Variants in EPG5 observed in about 807,000 individuals in gnomAD.
EPG5 encodes ectopic P granules protein 5 homolog.
EPG5 carries 159 observed loss-of-function variants against 302.7 expected under a neutral mutation model. That is an observed-to-expected ratio of 0.53 (90% confidence interval 0.46 to 0.60). The LOEUF (loss-of-function observed/expected upper bound fraction) is 0.60. Ranked by LOEUF, EPG5 falls within the 20% of genes least tolerant of loss-of-function variation. The pLI is 0.00. For missense variants in EPG5, 2,896 were observed against 3,092.4 expected, an observed-to-expected ratio of 0.94 and a Z score of 1.51; for synonymous variants, 1,158 against 1,136.8, an observed-to-expected ratio of 1.02 and a Z score of -0.37.
chr18:45,921,544 T>A (rs779439959), intron 16 of EPG5, among the ~76,000 whole-genome samples: 3 of 152,204 alleles, frequency 2.0e-5, no homozygotes, highest in Admixed American at 2.0e-4. Flanking sequence ...ACTTCTCTCA[T>A]AGAAGTTATA....
chr18:45,965,577 G>A (rs1005077515), intron 1 of EPG5, among the ~76,000 whole-genome samples: 3 of 152,106 alleles, frequency 2.0e-5, no homozygotes, highest in Non-Finnish European at 2.9e-5. Context: ...TGAGAAAATC[G>A]GATTACAGTA....
chr18:45,883,627 T>TTG (rs1462492165), intron 30 of EPG5, among the ~76,000 whole-genome samples: 1 of 137,250 alleles, frequency 7.3e-6, no homozygotes, highest in African/African-American at 2.9e-5. Context: ...TTTTTTTTTT[T>TTG]TTTTTTTTTT....
In EPG5 at chr18:45,915,582, A is replaced by T. The variant is rs539209051; in HGVS notation, c.3622T>A (p.Ser1208Thr). 1.2e-6 allele frequency: 2 copies of T among 1,614,212 alleles called. 1 individual carries two copies. Among genetic ancestry groups the T allele is most frequent in the African/African-American group, 2.7e-5 (2 of 75,050 alleles). The change falls in exon 20 of 44, where the codon TCT becomes ACT. Residue 1208 changes from serine to threonine, a missense_variant. By Grantham distance (58) the Ser-to-Thr change is moderately conservative (BLOSUM62 1). This residue lies in a region of EPG5 where 1,390 missense variants were observed against 1,430.0 expected (regional missense o/e 0.97). Coordinates refer to ENST00000282041, the MANE Select transcript of EPG5 (RefSeq NM_020964.3). ...GYHCDRSLLS[S>T]LVSWIVAGNI... ...CCTGCCACAATCCAGCTTACCAAAG[A>T]TGAGAGCAGACTCCGGTCACAGTGG...
chr18:45,921,963 TAAA>T (rs751461636), intron 16 of EPG5, among the ~76,000 whole-genome samples: 2 of 113,032 alleles, frequency 1.8e-5, no homozygotes, highest in Non-Finnish European at 3.8e-5. Flanking sequence ...AAGTAAAATT[TAAA>T]AAAAAAAAAA....
chr18:45,869,598 T>G (rs1568106214), intron 36 of EPG5, among the ~76,000 whole-genome samples: 1 of 152,204 alleles, frequency 6.6e-6, no homozygotes, highest in Non-Finnish European at 1.5e-5. Flanking sequence ...ATGTTCATAA[T>G]GGTGATAAAT....
chr18:45,914,678 G>A (rs756032859), intron 20 of EPG5, among the ~76,000 whole-genome samples: 3 of 152,190 alleles, frequency 2.0e-5, no homozygotes, highest in East Asian at 1.9e-4. Context: ...GCTAACAAAC[G>A]GCAGAAACCA....
intron 23 of EPG5, 94 bp from the exon 24 acceptor site, chr18:45,908,175 A>C: frequency 1.0e-6 from 1 of 1,003,068 alleles, no homozygotes. Flanking sequence ...CCCCTACATA[A>C]GAGTAAAGAA....
intron 10 of EPG5, among the ~76,000 whole-genome samples, chr18:45,935,671 C>G (rs2050507855): frequency 6.6e-6 from 1 of 152,142 alleles, no homozygotes; most frequent in Non-Finnish European, 1.5e-5. Flanking sequence ...TGTGTCTGAG[C>G]ACACACACAG....
chr18:45,938,819 G>C (rs2050595694), intron 10 of EPG5, among the ~76,000 whole-genome samples: 1 of 152,184 alleles, frequency 6.6e-6, no homozygotes, highest in Admixed American at 6.5e-5. Context: ...GGCAGACCAA[G>C]ACTCAAACTT....
At chr18:45,838,393 A>G in the EPG5 span, 1 of 452,650 alleles carries the variant, frequency 2.2e-6, no homozygotes, top group Non-Finnish European at 3.9e-6. Flanking sequence ...TCTAGCCCCC[A>G]CCCTGCTCTG....
At chr18:45,892,281 A>C (rs2049368916) in intron 27 of EPG5, among the ~76,000 whole-genome samples, 1 of 152,172 alleles carries the variant, frequency 6.6e-6, no homozygotes, top group East Asian at 1.9e-4. Flanking sequence ...TACTGTTGAA[A>C]GTTTTCTTTT....
At chr18:45,830,683 T>C in the EPG5 span, among the ~76,000 whole-genome samples, 1 of 137,582 alleles carries the variant, frequency 7.3e-6, no homozygotes, top group Non-Finnish European at 1.5e-5. Flanking sequence ...CCTCCCAGGT[T>C]CAAGCGAGTC....
At chr18:45,879,359 A>G in intron 32 of EPG5, 145 bp from the exon 33 acceptor site, 2 of 624,870 alleles carry the variant, frequency 3.2e-6, no homozygotes, top group Non-Finnish European at 5.4e-6. Flanking sequence ...AAATAAATCA[A>G]TGGTTTTTTG....
At chr18:45,921,269 CTT>C (rs2050149604) in intron 16 of EPG5, among the ~76,000 whole-genome samples, 1 of 152,168 alleles carries the variant, frequency 6.6e-6, no homozygotes, top group Non-Finnish European at 1.5e-5. Flanking sequence ...TGAAATTACA[CTT>C]ACTGTGGAAC....
intron 29 of EPG5, among the ~76,000 whole-genome samples, chr18:45,885,882 C>A (rs2049207307): frequency 6.6e-6 from 1 of 151,930 alleles, no homozygotes; most frequent in African/African-American, 2.4e-5. Context: ...GTACAAAGGA[C>A]CACAATCACC....
chr18:45,884,496 G>T, intron 30 of EPG5, 121 bp downstream of exon 30: 1 of 792,864 alleles, frequency 1.3e-6, no homozygotes. Flanking sequence ...TGTGAAAAAG[G>T]CCTCTCAGCC....
rs1051202470 is a variant in EPG5, at chr18:45,849,429, A to T, written c.*3038T>A. ...GAGGGGCACTAGATGAACGTGAATGACCCTTCTGACTGTAAAAGTCTACGA... is the reference window on the plus strand; with the variant it reads ...GAGGGGCACTAGATGAACGTGAATGTCCCTTCTGACTGTAAAAGTCTACGA... On this transcript the variant is annotated 3_prime_UTR_variant, in exon 44 of 44. Coordinates refer to ENST00000282041, the MANE Select transcript of EPG5 (RefSeq NM_020964.3). 2.6e-5 allele frequency: 4 copies of T among 152,264 alleles called. No individual in the cohort carries two copies. The highest frequency in any genetic ancestry group is 9.6e-5 in the African/African-American group (4 of 41,526). 9.4% of individuals were successfully genotyped at this position (152,264 alleles called of 1,614,324 possible). A position where few individuals can be genotyped will look rare whatever the true frequency, so the allele number is the denominator to read the frequency against.
At chr18:45,825,871 C>A in the EPG5 span, 2 of 1,499,360 alleles carry the variant, frequency 1.3e-6, no homozygotes, top group Non-Finnish European at 1.8e-6. Context: ...AGGCAGGAAG[C>A]AGGTGTGCAG....
chr18:45,868,006 T>C, intron 36 of EPG5: 1 of 538,228 alleles, frequency 1.9e-6, no homozygotes. Context: ...AGGAATGACC[T>C]TCCCTAACCC....
Sources: allele counts gnomAD v4.1 joint callset (sites outside exome capture counted in the v4.1 genomes callset), GRCh38; gene constraint gnomAD v4.1.1; regional missense constraint gnomAD v4.1.1; transcripts MANE v1.5; gene names NCBI Gene and HGNC (gene_info 2026-07-23, HGNC 2026-07-21).